Variants in ARNT observed in about 807,000 individuals in gnomAD.
The protein encoded by ARNT is aryl hydrocarbon receptor nuclear translocator, also known as class E basic helix-loop-helix protein 2.
ARNT carries 30 observed loss-of-function variants against 105.0 expected under a neutral mutation model. The ratio of observed to expected loss-of-function variants is 0.29; its 90% CI spans 0.21 to 0.39. ARNT has a LOEUF of 0.39. Ranked by LOEUF, ARNT falls within the 10% of genes least tolerant of loss-of-function variation. ARNT has a pLI of 1.00. For missense variants in ARNT, 748 were observed against 978.7 expected (o/e 0.76, Z 3.15); for synonymous variants, 304 against 344.0 (o/e 0.88, Z 1.29).
At chr1:150,868,421 G>A (rs1557969457) in intron 1 of ARNT, among the ~76,000 whole-genome samples, 1 of 152,182 alleles carries the variant, frequency 6.6e-6, no homozygotes, top group East Asian at 1.9e-4. Flanking sequence ...GGAACAATCA[G>A]TGATAAAGAC....
chr1:150,871,907 C>CAAAA lies in ARNT; in HGVS notation c.25+4632_25+4635dup, dbSNP rs776523588. On this transcript the variant is annotated intron_variant, in intron 1 of 21. Transcript: ENST00000358595. ...TGGGCGACACAGTAAGACCCTGTCT[C>CAAAA]AAAAAAAAAAAAAAAAAAAAAAAAA... Among the ~76,000 whole-genome samples the CAAAA allele has an allele frequency of 6.7e-3, 267 of 40,060 alleles. 7 individuals are homozygous for CAAAA. Among genetic ancestry groups the CAAAA allele is most frequent in the Middle Eastern group, 0.021 (1 of 48 alleles). The allele number at this position is 40,060 out of a possible 152,430, so 26.3% of individuals were successfully genotyped here. A position where few individuals can be genotyped will look rare whatever the true frequency, so the allele number is the denominator to read the frequency against.
At chr1:150,813,938 A>G in intron 20 of ARNT, 139 bp downstream of exon 20, 2 of 1,242,224 alleles carry the variant, frequency 1.6e-6, no homozygotes, top group South Asian at 1.4e-5. Context: ...TAGGTTTTAA[A>G]TTCTAAATAG....
At chr1:150,831,779 C>T in intron 10 of ARNT, 39 bp downstream of exon 10, 4 of 1,446,428 alleles carry the variant, frequency 2.8e-6, no homozygotes, top group Non-Finnish European at 3.9e-6. Flanking sequence ...GAGGAACCAA[C>T]TGTACCAAGG....
chr1:150,842,464 C>T lies in ARNT; in HGVS notation c.232G>A (p.Asp78Asn). ...SNDKERFARSDDEQSSADKER... is the reference protein window; with the variant it reads ...SNDKERFARSNDEQSSADKER... ...TTATCCGCAGAGCTCTGCTCATCAT[C>T]CGACCTAAAAATAGAATTAATGAAC... The change falls in exon 5 of 22, where the codon GAT becomes AAT. Residue 78 changes from aspartate (D) to asparagine (N), a missense_variant. Transcript: ENST00000358595. 5 of 1,608,758 alleles carry T rather than the reference C, an allele frequency of 3.1e-6. No individual in the cohort carries two copies. The highest frequency in any genetic ancestry group is 1.7e-5 in the Admixed American group (1 of 59,680).
At chr1:150,852,002 T>A (rs1240024604) in intron 3 of ARNT, among the ~76,000 whole-genome samples, 2 of 150,914 alleles carry the variant, frequency 1.3e-5, no homozygotes, top group African/African-American at 4.9e-5. Context: ...GAGCCGAGAT[T>A]GCACCACTGC....
chr1:150,863,671 A>C (rs1322545551), intron 1 of ARNT, among the ~76,000 whole-genome samples: 1 of 152,006 alleles, frequency 6.6e-6, no homozygotes, highest in East Asian at 1.9e-4. Flanking sequence ...TCTACTAAAA[A>C]TATAAAAAAT....
At position 150,852,786 on chromosome 1, in the gene ARNT, C is replaced by G; in HGVS notation, c.158G>C (p.Gly53Ala). The change falls in exon 3 of 22, where the codon GGA (glycine) becomes GCA (alanine). Residue 53 changes from glycine to alanine, a missense_variant. Transcript: ENST00000358595. ...RRPGLDFDDDGEGNSKFLRCD... is the reference protein window; with the variant it reads ...RRPGLDFDDDAEGNSKFLRCD... ...CCTCAAAAATTTACTGTTCCCTTCT[C>G]CATCATCATCAAAATCCAGCCTGAG... is the stretch of plus-strand genomic sequence containing the variant. 6.2e-7 allele frequency: 1 copy of G among 1,613,970 alleles called. No homozygotes were observed.
intron 1 of ARNT, among the ~76,000 whole-genome samples, chr1:150,869,355 T>C (rs1667100982): frequency 6.6e-6 from 1 of 151,846 alleles, no homozygotes; most frequent in Admixed American, 6.6e-5. Flanking sequence ...TGGATGCCTG[T>C]AGTCCCAGCT....
At chr1:150,860,061 A>G (rs1665340066) in intron 1 of ARNT, among the ~76,000 whole-genome samples, 2 of 151,722 alleles carry the variant, frequency 1.3e-5, no homozygotes, top group Admixed American at 6.6e-5. Context: ...CCTGATCTTC[A>G]ACTTGCTCGT....
In ARNT at chr1:150,812,000, C is replaced by T. The variant is rs769265724; in HGVS notation, c.*21G>A. The T allele has an allele frequency of 5.5e-6, 8 of 1,463,798 alleles. No homozygotes were observed. Among genetic ancestry groups the T allele is most frequent in the Non-Finnish European group, 5.5e-6 (6 of 1,096,408 alleles). The allele number at this position is 1,463,798 out of a possible 1,614,324, so 90.7% of individuals were successfully genotyped here. A position where few individuals can be genotyped will look rare whatever the true frequency, so the allele number is the denominator to read the frequency against. On this transcript the variant is annotated 3_prime_UTR_variant, in exon 22 of 22. Coordinates refer to ENST00000358595, the MANE Select transcript of ARNT (RefSeq NM_001668.4). ...AACAGTGATTTTTTCTCCCCCACCC[C>T]TTATCCTCACCCCAATAGTTCTATT... is the stretch of plus-strand genomic sequence containing the variant.
At chr1:150,828,977 G>C in intron 12 of ARNT, 116 bp downstream of exon 12, 1 of 1,211,538 alleles carries the variant, frequency 8.3e-7, no homozygotes, top group East Asian at 2.5e-5. Flanking sequence ...AGAATATGAT[G>C]ATCTCTTTTT....
intron 8 of ARNT, 116 bp from the exon 9 acceptor site, chr1:150,832,515 C>A: frequency 1.1e-6 from 1 of 942,950 alleles, no homozygotes; most frequent in Non-Finnish European, 1.7e-6. Flanking sequence ...ATTGGTAATG[C>A]TACTAATAAT....
intron 3 of ARNT, among the ~76,000 whole-genome samples, chr1:150,852,050 A>C (rs1181679144): frequency 7.5e-6 from 1 of 133,386 alleles, no homozygotes; most frequent in Non-Finnish European, 1.7e-5. Context: ...CTCAAAAAAA[A>C]AAAAAACAAA....
At chr1:150,873,925 TA>T (rs1667855408) in intron 1 of ARNT, among the ~76,000 whole-genome samples, 1 of 122,510 alleles carries the variant, frequency 8.2e-6, no homozygotes, top group Non-Finnish European at 1.7e-5. Context: ...GTCTGAAAAA[TA>T]AAAATAAGTA....
intron 5 of ARNT, 165 bp downstream of exon 5, chr1:150,842,259 G>A (rs1220599513): frequency 1.0e-6 from 1 of 985,186 alleles, no homozygotes; most frequent in East Asian, 1.1e-4. Flanking sequence ...TCTGATGGGG[G>A]AAGCCAAAGT....
At position 150,858,379 on chromosome 1, in the gene ARNT, A is replaced by G. The variant is rs754603094; in HGVS notation, c.107T>C (p.Ile36Thr). 10 of 1,609,076 alleles carry G rather than the reference A, an allele frequency of 6.2e-6. No individual in the cohort carries two copies. Among genetic ancestry groups the G allele is most frequent in the Middle Eastern group, 3.3e-4 (2 of 6,080 alleles). ...TCGCCGCTTAATAGCCCTCTGGACA[A>G]TGGCTCCTCCACCTTGAATTCCAGG... Reference protein sequence around the residue: ...SGPGIQGGGAIVQRAIKRRPG... With the variant: ...SGPGIQGGGATVQRAIKRRPG... The change falls in exon 2 of 22, where the codon ATT (isoleucine) becomes ACT (threonine). Residue 36 changes from isoleucine to threonine, a missense_variant. By Grantham distance (89) the Ile-to-Thr change is moderately conservative. This residue lies in a region of ARNT where 93 missense variants were observed against 101.6 expected (regional missense o/e 0.92). Coordinates refer to ENST00000358595, the MANE Select transcript of ARNT (RefSeq NM_001668.4).
At chr1:150,813,960 G>A in intron 20 of ARNT, 117 bp downstream of exon 20, 1 of 1,324,154 alleles carries the variant, frequency 7.6e-7, no homozygotes, top group African/African-American at 1.5e-5. Context: ...TTGTCACCTT[G>A]CATTTCCCTA....
intron 2 of ARNT, among the ~76,000 whole-genome samples, 195 bp from the exon 3 acceptor site, chr1:150,853,001 C>T (rs779466974): frequency 2.0e-5 from 3 of 152,076 alleles, no homozygotes; most frequent in Non-Finnish European, 4.4e-5. Context: ...AAAACTGGGG[C>T]CAGGAGTGGT....
At chr1:150,872,805 A>G (rs587716918) in intron 1 of ARNT, among the ~76,000 whole-genome samples, 17 of 152,126 alleles carry the variant, frequency 1.1e-4, no homozygotes, top group Middle Eastern at 3.4e-3. Context: ...TCTAAAAAAA[A>G]TTTAAAATTA....
Sources: allele counts gnomAD v4.1 joint callset (sites outside exome capture counted in the v4.1 genomes callset), GRCh38; gene constraint gnomAD v4.1.1; regional missense constraint gnomAD v4.1.1; transcripts MANE v1.5; gene names NCBI Gene and HGNC (gene_info 2026-07-23, HGNC 2026-07-21).